MYO5A: variants seen among roughly 807,000 people sequenced by gnomAD.
The protein encoded by MYO5A is unconventional myosin-Va.
In MYO5A, 98 loss-of-function variants were observed where a neutral mutation model predicts 249.7. The observed-to-expected ratio is 0.39, with a 90% confidence interval of 0.33 to 0.46. The LOEUF (loss-of-function observed/expected upper bound fraction) is 0.46. Among genes scored for constraint, MYO5A ranks in the 20% least tolerant of loss-of-function variants. MYO5A has a pLI of 0.98. For missense variants in MYO5A, 1,696 were observed against 2,308.8 expected (o/e 0.73, Z 5.44); for synonymous variants, 778 against 810.6 (o/e 0.96, Z 0.68).
At chr15:52,496,868 T>A (rs1481363117) in intron 1 of MYO5A, among the ~76,000 whole-genome samples, 1 of 152,214 alleles carries the variant, frequency 6.6e-6, no homozygotes, top group Non-Finnish European at 1.5e-5. Context: ...TAGTCCTGAG[T>A]TGGCACAATG....
intron 4 of MYO5A, among the ~76,000 whole-genome samples, chr15:52,420,319 A>G (rs1469253654): frequency 6.6e-6 from 1 of 151,942 alleles, no homozygotes; most frequent in Non-Finnish European, 1.5e-5. Flanking sequence ...AAAAAAAAAA[A>G]AAAGGTGACT....
At chr15:52,365,668 A>C (rs1161424742) in intron 23 of MYO5A, among the ~76,000 whole-genome samples, 1 of 152,212 alleles carries the variant, frequency 6.6e-6, no homozygotes, top group Non-Finnish European at 1.5e-5. Context: ...TGCCCACCAC[A>C]GTGCTTCCCT....
chr15:52,318,502 A>G (rs2038136899), intron 39 of MYO5A, among the ~76,000 whole-genome samples: 1 of 151,988 alleles, frequency 6.6e-6, no homozygotes, highest in Non-Finnish European at 1.5e-5. Context: ...TTATGTTACA[A>G]TAATGAGGTT....
chr15:52,329,079 T>C (rs1293660515), intron 35 of MYO5A: 2 of 152,234 alleles, frequency 1.3e-5, no homozygotes, highest in Admixed American at 1.3e-4. Context: ...GAATGTAAAC[T>C]CTGTAAGACT....
chr15:52,441,692 ACTT>A lies in MYO5A; in HGVS notation c.28-8410_28-8408del, dbSNP rs532739215. On this transcript the variant is annotated intron_variant, in intron 1 of 41. Transcript: ENST00000399233. ...CACCTCCTCTAACAGGCTTTTCCTG[ACTT>A]CTTCTCCTCATTTGGCTCTCCATTC... Among the ~76,000 whole-genome samples the A allele has an allele frequency of 2.7e-3, 410 of 152,118 alleles. 1 individual carries two copies. The highest frequency in any genetic ancestry group is 9.5e-3 in the South Asian group (46 of 4,822).
intron 41 of MYO5A, 81 bp downstream of exon 41, chr15:52,314,042 C>T (rs1371453355): frequency 8.9e-6 from 12 of 1,344,804 alleles, no homozygotes; most frequent in Admixed American, 1.7e-5. Flanking sequence ...TAAAAGATAA[C>T]ACATTATCCT....
At chr15:52,378,515 C>CAAATAAAAAAAAAAAAAAAAAAAAAAAAA (rs2041551666) in intron 18 of MYO5A, among the ~76,000 whole-genome samples, 1 of 10,474 alleles carries the variant, frequency 9.5e-5, no homozygotes, top group African/African-American at 1.5e-4. Context: ...AAGACTGTCT[C>CAAATAAAAAAAAAAAAAAAAAAAAAAAAA]AAAAAAAAAA....
At chr15:52,378,673 GATC>G (rs1363762548) in intron 18 of MYO5A, among the ~76,000 whole-genome samples, 15 of 150,666 alleles carry the variant, frequency 1.0e-4, no homozygotes, top group Admixed American at 6.0e-4. Flanking sequence ...TAGTAATTAT[GATC>G]AATTAGCTCA....
intron 1 of MYO5A, among the ~76,000 whole-genome samples, chr15:52,462,894 C>T (rs2076282006): frequency 1.3e-5 from 2 of 151,266 alleles, no homozygotes; most frequent in South Asian, 4.2e-4. Context: ...AATTTCCAAA[C>T]ATCTAGAGAG....
intron 1 of MYO5A, among the ~76,000 whole-genome samples, chr15:52,439,353 AC>A (rs2075737401): frequency 6.6e-6 from 1 of 152,090 alleles, no homozygotes. Context: ...TTCTCCACTC[AC>A]ACTACTCTAG....
rs550576999 is a variant in MYO5A at position 52,462,133 on chromosome 15, G to A, written c.28-28848C>T. Among the ~76,000 whole-genome samples, 57 of 151,828 alleles carry A rather than the reference G, an allele frequency of 3.8e-4. 1 individual carries two copies. The South Asian group carries it at 0.012, about 31-fold the overall frequency. Reference sequence around the variant, plus strand: ...ACAAAAAAATTAGCCAGGCATGGTGGCAGGCGCCTGTAGTCCCAGCTACTC... The same window carrying A: ...ACAAAAAAATTAGCCAGGCATGGTGACAGGCGCCTGTAGTCCCAGCTACTC... On this transcript the variant is annotated intron_variant, in intron 1 of 41. Transcript: ENST00000399233.
intron 20 of MYO5A, among the ~76,000 whole-genome samples, chr15:52,372,924 TG>T (rs1424869562): frequency 6.6e-6 from 1 of 151,768 alleles, no homozygotes; most frequent in Non-Finnish European, 1.5e-5. Flanking sequence ...GGCCAACACT[TG>T]GGGTACTAAA....
intron 7 of MYO5A, among the ~76,000 whole-genome samples, chr15:52,407,790 G>C (rs2043073105): frequency 6.6e-6 from 1 of 151,468 alleles, no homozygotes; most frequent in Non-Finnish European, 1.5e-5. Context: ...TACAAAAGTA[G>C]AGAGACTAAT....
At chr15:52,446,612 C>T (rs969436469) in intron 1 of MYO5A, among the ~76,000 whole-genome samples, 3 of 152,158 alleles carry the variant, frequency 2.0e-5, no homozygotes, top group Non-Finnish European at 4.4e-5. Context: ...ATCCCAGAAT[C>T]GTAAATCCAC....
intron 41 of MYO5A, 32 bp downstream of exon 41, chr15:52,314,091 G>T: frequency 6.6e-7 from 1 of 1,520,256 alleles, no homozygotes; most frequent in Non-Finnish European, 9.1e-7. Context: ...AGACTGTGTT[G>T]GTGAATCAAA....
rs1211797323 is a variant in MYO5A at position 52,364,488 on chromosome 15, A to C, written c.3309+66T>G. 2.1e-6 allele frequency: 3 copies of C among 1,456,850 alleles called. No homozygotes were observed. In the South Asian group the frequency reaches 3.7e-5, roughly 18 times the overall value. 90.2% of individuals were successfully genotyped at this position (1,456,850 alleles called of 1,614,324 possible). ...AGAAGATATGGAGGTTCATTCTACT[A>C]TTCTATTTACTTTTGTATATGTTTA... On this transcript the variant is annotated intron_variant, in intron 24 of 41. Coordinates refer to ENST00000399233, the MANE Select transcript of MYO5A (RefSeq NM_001382347.1).
intron 5 of MYO5A, 138 bp downstream of exon 5, chr15:52,416,006 TA>T: frequency 9.7e-7 from 1 of 1,030,068 alleles, no homozygotes; most frequent in Non-Finnish European, 1.4e-6. Context: ...AGATTTTTTA[TA>T]AACATGTAGA....
chr15:52,432,113 A>G (rs551502714), intron 2 of MYO5A, among the ~76,000 whole-genome samples: 28 of 148,270 alleles, frequency 1.9e-4, no homozygotes, highest in Non-Finnish European at 3.5e-4. Flanking sequence ...TAATAAATAA[A>G]TGATTAAAGT....
Position 52,372,330 on chromosome 15 carries a change from T to A in MYO5A, c.2611A>T (p.Lys871Ter). 1 of 1,604,972 alleles carries A rather than the reference T, an allele frequency of 6.2e-7. No individual in the cohort carries two copies. Among genetic ancestry groups the A allele is most frequent in the Non-Finnish European group, 8.5e-7 (1 of 1,179,962 alleles). ...LREHKAVIIQ[K>*]RVRGWLARTH... ...CGGGCCAGCCAGCCCCGGACTCGCTTCTGAATGATGACTGCTTTGTGCTCA... is the reference window on the plus strand; with the variant it reads ...CGGGCCAGCCAGCCCCGGACTCGCTACTGAATGATGACTGCTTTGTGCTCA... Residue 871 changes from lysine to a stop codon, truncating the protein, a stop_gained, in exon 21 of 42, where the codon AAG (lysine) becomes TAG (stop). Coordinates refer to ENST00000399233, the MANE Select transcript of MYO5A (RefSeq NM_001382347.1). LOFTEE classifies it high-confidence loss of function.
Sources: allele counts gnomAD v4.1 joint callset (sites outside exome capture counted in the v4.1 genomes callset), GRCh38; gene constraint gnomAD v4.1.1; transcripts MANE v1.5; gene names NCBI Gene and HGNC (gene_info 2026-07-23, HGNC 2026-07-21).